The following CACNB2 variants were observed in gnomAD, a reference collection of about 807,000 sequenced individuals.
CACNB2 encodes the protein calcium voltage-gated channel auxiliary subunit beta 2.
In CACNB2, 42 loss-of-function variants were observed where a neutral mutation model predicts 73.3. The observed-to-expected ratio is 0.57, with a 90% CI of 0.45 to 0.74. The LOEUF (loss-of-function observed/expected upper bound fraction) is 0.74. Ranked by LOEUF, CACNB2 falls within the 30% of genes least tolerant of loss-of-function variation. The pLI is 0.00. For missense variants in CACNB2, 940 were observed against 853.0 expected (o/e 1.10, Z -1.27); for synonymous variants, 348 against 310.3 (o/e 1.12, Z -1.28).
Position 18,500,885 on chromosome 10 carries a change from T to C in CACNB2, c.530T>C (p.Val177Ala). Residue 177 changes from valine (V) to alanine (A), a missense_variant, in exon 5 of 14, where the codon GTC becomes GCC. Val to Ala is a moderately conservative substitution (Grantham distance 64). Transcript: ENST00000324631. Reference protein sequence around the residue: ...GCEIGFIPSPVKLENMRLQHE... With the variant: ...GCEIGFIPSPAKLENMRLQHE... ...GAAATCGGATTCATTCCAAGCCCAG[T>C]CAAACTAGAAAACATGAGGCTGCAG... 1.2e-6 allele frequency: 2 copies of C among 1,614,028 alleles called. No individual in the cohort carries two copies. The highest frequency in any genetic ancestry group is 1.7e-6 in the Non-Finnish European group (2 of 1,179,942).
At chr10:18,420,123 C>T (rs1418966084) in intron 3 of CACNB2, among the ~76,000 whole-genome samples, 1 of 152,156 alleles carries the variant, frequency 6.6e-6, no homozygotes, top group Non-Finnish European at 1.5e-5. Flanking sequence ...GATGGAGTCA[C>T]TCTGGTTAGG....
chr10:18,331,481 G>A (rs1456607617), intron 2 of CACNB2, among the ~76,000 whole-genome samples: 1 of 151,512 alleles, frequency 6.6e-6, no homozygotes, highest in Non-Finnish European at 1.5e-5. Flanking sequence ...AAGGATGGGG[G>A]GGTGAAAATT....
chr10:18,228,802 C>A (rs1056511710), intron 2 of CACNB2, among the ~76,000 whole-genome samples: 3 of 152,052 alleles, frequency 2.0e-5, no homozygotes, highest in African/African-American at 7.2e-5. Flanking sequence ...TGCAATGGTG[C>A]GATCCCAGCT....
chr10:18,260,388 T>A (rs2037480657), intron 2 of CACNB2: 1 of 971,002 alleles, frequency 1.0e-6, no homozygotes, highest in Non-Finnish European at 1.2e-6. Flanking sequence ...TCGGATCAAA[T>A]TCGCCTTCCA....
chr10:18,356,943 T>TTTTTTTTTTC (rs1491548508), intron 2 of CACNB2, among the ~76,000 whole-genome samples: 39 of 74,616 alleles, frequency 5.2e-4, no homozygotes, highest in Non-Finnish European at 8.0e-4. Flanking sequence ...ACTCAATTTC[T>TTTTTTTTTTC]TTTTTTTTTT....
chr10:18,143,272 G>C (rs959265889), intron 1 of CACNB2, among the ~76,000 whole-genome samples: 22 of 152,204 alleles, frequency 1.4e-4, no homozygotes, highest in Admixed American at 1.2e-3. Context: ...TCAAGTCTTA[G>C]GAGTCCAGAG....
intron 2 of CACNB2, among the ~76,000 whole-genome samples, chr10:18,219,340 G>A (rs956442734): frequency 1.3e-5 from 2 of 152,190 alleles, no homozygotes; most frequent in South Asian, 2.1e-4. Context: ...TTGAGCTGGT[G>A]ATGAAAAATA....
intron 3 of CACNB2, among the ~76,000 whole-genome samples, chr10:18,470,713 G>A (rs151195746): frequency 7.2e-5 from 11 of 152,146 alleles, no homozygotes; most frequent in Admixed American, 6.5e-5. Context: ...TTTTTCACAA[G>A]CACTTAGCTT....
intron 2 of CACNB2, among the ~76,000 whole-genome samples, chr10:18,396,975 A>G (rs985773380): frequency 6.6e-6 from 1 of 152,146 alleles, no homozygotes; most frequent in Non-Finnish European, 1.5e-5. Flanking sequence ...TCATATAAAG[A>G]TTTCCTACAG....
chr10:18,408,821 A>AT lies in CACNB2; in HGVS notation c.333+6784dup, dbSNP rs2044445435. On this transcript the variant is annotated intron_variant, in intron 3 of 13. Transcript: ENST00000324631. ...CAAATTTTTTCTTCAAGGGAAGAGT[A>AT]TTTTTTCTTACTACTAGTTTTCTTC... Among the ~76,000 whole-genome samples, 3 of 152,104 alleles carry AT rather than the reference A, an allele frequency of 2.0e-5. No homozygotes were observed. The South Asian group carries it at 6.2e-4, about 32-fold the overall frequency.
intron 2 of CACNB2, among the ~76,000 whole-genome samples, chr10:18,186,755 A>G (rs1354571529): frequency 6.6e-6 from 1 of 152,190 alleles, no homozygotes; most frequent in African/African-American, 2.4e-5. Flanking sequence ...TGATCCAGTC[A>G]TGTCCCACCA....
At chr10:18,196,360 A>G (rs955210805) in intron 2 of CACNB2, among the ~76,000 whole-genome samples, 1 of 147,160 alleles carries the variant, frequency 6.8e-6, no homozygotes, top group Admixed American at 7.0e-5. Flanking sequence ...TGGCCTGATC[A>G]TGGCTCATTG....
In CACNB2 at chr10:18,541,808, G is replaced by C. The variant is rs1191797518; in HGVS notation, c.*2084G>C. On this transcript the variant is annotated 3_prime_UTR_variant, in exon 14 of 14. Transcript: ENST00000324631. ...ACCCAGGAGGTGGAGCCTGCAGTAA[G>C]CCAAGATCACACCACTGTACTCCAG... 6.7e-6 allele frequency: 1 copy of C among 150,138 alleles called. No individual in the cohort carries two copies. The highest frequency in any genetic ancestry group is 1.5e-5 in the Non-Finnish European group (1 of 67,558). 9.3% of individuals were successfully genotyped at this position (150,138 alleles called of 1,614,324 possible).
chr10:18,185,027 C>A (rs906039363), intron 2 of CACNB2, among the ~76,000 whole-genome samples: 3 of 152,028 alleles, frequency 2.0e-5, no homozygotes, highest in Admixed American at 1.3e-4. Flanking sequence ...TTTGTAGCAA[C>A]AGAATCCCAC....
intron 3 of CACNB2, among the ~76,000 whole-genome samples, chr10:18,430,491 G>A (rs530087254): frequency 1.9e-3 from 282 of 152,214 alleles, no homozygotes; most frequent in Admixed American, 4.3e-3. Context: ...TTAACTGGGT[G>A]TGGTGGTGGA....
At chr10:18,150,313 C>T (rs772253088) in intron 1 of CACNB2, among the ~76,000 whole-genome samples, 1 of 152,182 alleles carries the variant, frequency 6.6e-6, no homozygotes, top group Non-Finnish European at 1.5e-5. Flanking sequence ...CCTGCTAACA[C>T]ATTTATAAGA....
intron 6 of CACNB2, among the ~76,000 whole-genome samples, chr10:18,506,788 G>T (rs1260508784): frequency 3.3e-5 from 5 of 149,552 alleles, no homozygotes; most frequent in African/African-American, 7.3e-5. Flanking sequence ...AGTGATTAAT[G>T]TATTTATTTA....
At chr10:18,502,639 C>G (rs1323791179) in intron 5 of CACNB2, among the ~76,000 whole-genome samples, 3 of 122,278 alleles carry the variant, frequency 2.5e-5, no homozygotes, top group South Asian at 5.5e-4. Flanking sequence ...TGAAGTGAGC[C>G]AAGATCGCAC....
intron 2 of CACNB2, among the ~76,000 whole-genome samples, chr10:18,308,740 G>A (rs904642576): frequency 6.6e-6 from 1 of 152,170 alleles, no homozygotes; most frequent in Admixed American, 6.5e-5. Context: ...AAGTATGGGA[G>A]CCAGCAACGT....
Sources: gnomAD v4.1 joint callset for allele counts (sites outside exome capture counted in the v4.1 genomes callset) on GRCh38, gnomAD v4.1.1 for gene constraint, MANE v1.5 for transcripts, NCBI Gene and HGNC (gene_info 2026-07-23, HGNC 2026-07-21) for gene names.